The following SORCS2 variants were observed in gnomAD, a reference collection of about 807,000 sequenced individuals.
SORCS2 encodes sortilin related VPS10 domain containing receptor 2, also known as VPS10 domain-containing receptor SorCS2.
Under a neutral mutation model 141.6 loss-of-function variants are expected in SORCS2, and 100 were observed. The observed-to-expected ratio is 0.71, with a 90% CI of 0.60 to 0.83. The LOEUF (loss-of-function observed/expected upper bound fraction) is 0.83. SORCS2 is among the 40% of genes least tolerant of loss of function. The pLI, the probability that SORCS2 is intolerant of heterozygous loss-of-function variation, is 0.00. For missense variants in SORCS2, 1,646 were observed against 1,560.2 expected (o/e 1.05, Z -0.93); for synonymous variants, 789 against 676.9 (o/e 1.17, Z -2.57).
intron 1 of SORCS2, among the ~76,000 whole-genome samples, chr4:7,315,131 C>T (rs777412202): frequency 6.6e-6 from 1 of 152,180 alleles, no homozygotes; most frequent in East Asian, 1.9e-4. Context: ...CTGCACCTGG[C>T]CTTGTCCGCT....
intron 1 of SORCS2, among the ~76,000 whole-genome samples, chr4:7,272,295 A>G (rs183205160): frequency 3.3e-4 from 51 of 152,300 alleles, no homozygotes; most frequent in African/African-American, 1.2e-3. Flanking sequence ...CAAAGCGTAT[A>G]TTTCATATCA....
intron 2 of SORCS2, among the ~76,000 whole-genome samples, chr4:7,438,605 C>T (rs1727455835): frequency 6.6e-6 from 1 of 151,558 alleles, no homozygotes; most frequent in Admixed American, 6.6e-5. Flanking sequence ...TCTCCCCTTC[C>T]TCTCTCCTTC....
At chr4:7,528,043 G>GTC (rs1244726245) in intron 2 of SORCS2, among the ~76,000 whole-genome samples, 116 of 147,958 alleles carry the variant, frequency 7.8e-4, no homozygotes, top group African/African-American at 2.7e-3. Flanking sequence ...CTCTCTCTCT[G>GTC]TCTCTCTCTG....
intron 1 of SORCS2, among the ~76,000 whole-genome samples, chr4:7,300,891 C>T (rs900929211): frequency 6.6e-6 from 1 of 152,226 alleles, no homozygotes; most frequent in African/African-American, 2.4e-5. Context: ...CTCGGCCTCT[C>T]AGGGTCCTGT....
chr4:7,260,388 C>G (rs1242803290), intron 1 of SORCS2, among the ~76,000 whole-genome samples: 1 of 152,216 alleles, frequency 6.6e-6, no homozygotes, highest in East Asian at 1.9e-4. Flanking sequence ...CCCACCTCCC[C>G]CCTCCCAGGA....
At chr4:7,559,389 A>G (rs1463381334) in intron 3 of SORCS2, among the ~76,000 whole-genome samples, 1 of 152,210 alleles carries the variant, frequency 6.6e-6, no homozygotes, top group Non-Finnish European at 1.5e-5. Flanking sequence ...ATGGGCACAC[A>G]GAGGTCAGGG....
At chr4:7,401,026 G>A (rs1012681067) in intron 2 of SORCS2, among the ~76,000 whole-genome samples, 2 of 110,988 alleles carry the variant, frequency 1.8e-5, no homozygotes, top group African/African-American at 3.2e-5. Context: ...TTGATGGACA[G>A]GTGGATGGAT....
chr4:7,518,756 C>T (rs1733142692), intron 2 of SORCS2, among the ~76,000 whole-genome samples: 1 of 152,188 alleles, frequency 6.6e-6, no homozygotes, highest in African/African-American at 2.4e-5. Context: ...TGTGTACTCT[C>T]CACCATGTCA....
chr4:7,596,549 T>C (rs1457447896), intron 3 of SORCS2, among the ~76,000 whole-genome samples: 2 of 152,218 alleles, frequency 1.3e-5, no homozygotes, highest in Non-Finnish European at 2.9e-5. Context: ...TTTCAAAATT[T>C]ATCTCCTTTC....
intron 3 of SORCS2, among the ~76,000 whole-genome samples, chr4:7,602,723 C>T (rs1466505540): frequency 1.1e-4 from 16 of 151,472 alleles, no homozygotes; most frequent in South Asian, 2.1e-4. Context: ...GATGGGCGGC[C>T]AGGCAGAGAC....
chr4:7,714,326 G>T lies in SORCS2; in HGVS notation c.2076G>T (p.Ser692=). 6.3e-7 allele frequency: 1 copy of T among 1,582,490 alleles called. No individual in the cohort carries two copies. Among genetic ancestry groups the T allele is most frequent in the East Asian group, 2.3e-5 (1 of 43,050 alleles). ...GCATCAAGGGGAGGAGCTTCACGTC[G>T]GCGCTCACGTCCCGCGTGTGCGAGT... ...SWCIKGRSFT[S]ALTSRVCECR... Residue 692 remains serine, a synonymous_variant, in exon 16 of 27, where the codon TCG becomes TCT. Coordinates refer to ENST00000507866, the MANE Select transcript of SORCS2 (RefSeq NM_020777.3).
intron 3 of SORCS2, among the ~76,000 whole-genome samples, chr4:7,609,964 C>T (rs1718303070): frequency 2.0e-5 from 3 of 152,186 alleles, no homozygotes; most frequent in South Asian, 2.1e-4. Flanking sequence ...CAGTTGTGCT[C>T]GGGGCGGATA....
chr4:7,696,480 C>T (rs1336817413), intron 11 of SORCS2, among the ~76,000 whole-genome samples: 2 of 152,292 alleles, frequency 1.3e-5, no homozygotes, highest in East Asian at 1.9e-4. Flanking sequence ...AGGAGACTCA[C>T]GTGGGTTCAG....
chr4:7,214,855 G>A (rs184700383), intron 1 of SORCS2, among the ~76,000 whole-genome samples: 1 of 152,238 alleles, frequency 6.6e-6, no homozygotes. Context: ...GGGTTTCCAG[G>A]CTGTAGGTCT....
intron 3 of SORCS2, among the ~76,000 whole-genome samples, chr4:7,541,097 T>A (rs1712613462): frequency 6.6e-6 from 1 of 152,160 alleles, no homozygotes; most frequent in Admixed American, 6.5e-5. Context: ...AGCCAACCCA[T>A]CCTTTCTGTC....
intron 3 of SORCS2, among the ~76,000 whole-genome samples, chr4:7,574,189 C>T (rs756624443): frequency 5.3e-4 from 80 of 152,252 alleles, no homozygotes; most frequent in Admixed American, 1.0e-3. Flanking sequence ...GGTTGGGTCC[C>T]GTGCGCCTTT....
At chr4:7,391,673 G>T (rs994000444) in intron 1 of SORCS2, among the ~76,000 whole-genome samples, 2 of 152,184 alleles carry the variant, frequency 1.3e-5, no homozygotes, top group Admixed American at 1.3e-4. Flanking sequence ...GTGGGGGCTG[G>T]GCTGTGGATG....
At chr4:7,720,261 C>T (rs1291203726) in intron 18 of SORCS2, among the ~76,000 whole-genome samples, 2 of 152,144 alleles carry the variant, frequency 1.3e-5, no homozygotes, top group East Asian at 1.9e-4. Flanking sequence ...TAAATATGGC[C>T]GAGGGATGTT....
At chr4:7,268,793 G>A (rs1014814787) in intron 1 of SORCS2, among the ~76,000 whole-genome samples, 6 of 152,210 alleles carry the variant, frequency 3.9e-5, no homozygotes, top group African/African-American at 7.2e-5. Flanking sequence ...TAAAGCAGGT[G>A]CAGCAGGTAG....
Sources: allele counts gnomAD v4.1 joint callset (sites outside exome capture counted in the v4.1 genomes callset), GRCh38; gene constraint gnomAD v4.1.1; transcripts MANE v1.5; gene names NCBI Gene and HGNC (gene_info 2026-07-23, HGNC 2026-07-21).